The following F8 variants were observed in gnomAD, a reference collection of about 807,000 sequenced individuals.
The protein encoded by F8 is coagulation factor VIII, also known as antihemophilic factor.
F8 carries 12 observed loss-of-function variants against 140.6 expected under a neutral mutation model. That is an observed-to-expected ratio of 0.09 (90% CI 0.05 to 0.14). F8 has a LOEUF of 0.14. Among genes scored for constraint, F8 ranks in the 10% least tolerant of loss-of-function variants. The pLI, the probability that F8 is intolerant of heterozygous loss-of-function variation, is 1.00. For missense variants in F8, 1,354 were observed against 1,720.7 expected (o/e 0.79, Z 3.77); for synonymous variants, 585 against 614.6 (o/e 0.95, Z 0.71).
chrX:154,920,362 C>CT (rs2073122622), intron 14 of F8, among the ~76,000 whole-genome samples: 1 of 111,061 alleles, frequency 9.0e-6, no homozygotes, highest in Non-Finnish European at 1.9e-5. Context: ...TACTATGAGG[C>CT]TTACACAAAA....
chrX:154,981,567 A>G (rs1223119037), intron 6 of F8, among the ~76,000 whole-genome samples: 1 of 110,622 alleles, frequency 9.0e-6, no homozygotes, highest in Non-Finnish European at 1.9e-5. Context: ...GGGAAGGGGC[A>G]TGGGGCCAGC....
At chrX:155,009,446 C>T (rs1557286376) in intron 1 of F8, among the ~76,000 whole-genome samples, 2 of 111,572 alleles carry the variant, frequency 1.8e-5, no homozygotes, top group African/African-American at 6.5e-5. Context: ...TTAAATGTTT[C>T]TGATTAAAGG....
chrX:154,984,328 T>G (rs149309160), intron 6 of F8, among the ~76,000 whole-genome samples: 1,779 of 112,111 alleles, frequency 0.016, 23 homozygotes, highest in South Asian at 0.11. Flanking sequence ...TCCGATGAGT[T>G]CTGTTCTGAG....
chrX:154,901,014 T>G (rs2073007063), intron 20 of F8, among the ~76,000 whole-genome samples: 1 of 112,857 alleles, frequency 8.9e-6, no homozygotes, highest in African/African-American at 3.2e-5. Context: ...CTGTGGGCAG[T>G]AGTGCTCTAA....
At chrX:154,956,659 T>C (rs2073366555) in intron 11 of F8, among the ~76,000 whole-genome samples, 1 of 111,023 alleles carries the variant, frequency 9.0e-6, no homozygotes, top group South Asian at 3.8e-4. Context: ...ATCTAGGCTG[T>C]AGATATAAAT....
chrX:154,966,105 C>T lies in F8; in HGVS notation c.1308G>A (p.Gln436=). 1 of 1,210,838 alleles carries T rather than the reference C, an allele frequency of 8.3e-7. No homozygotes were observed. Among genetic ancestry groups the T allele is most frequent in the Admixed American group, 2.2e-5 (1 of 45,953 alleles). The change falls in exon 9 of 26, where the codon CAG becomes CAA. Residue 436 remains glutamine, a synonymous_variant. Coordinates refer to ENST00000360256, the MANE Select transcript of F8 (RefSeq NM_000132.4). ...YKSQYLNNGP[Q]RIGRKYKKVR... The stretch of plus-strand genomic sequence containing the variant: ...CTTTTTTGTACTTCCTACCAATCCG[C>T]TGAGGGCCATTGTTCAAATATTGAC...
intron 6 of F8, among the ~76,000 whole-genome samples, chrX:154,978,134 G>A (rs1557283173): frequency 9.2e-6 from 1 of 108,818 alleles, no homozygotes; most frequent in African/African-American, 3.3e-5. Flanking sequence ...TATCTCTTGG[G>A]TAAATTTCTC....
chrX:154,997,765 T>A (rs1331951176), intron 2 of F8, among the ~76,000 whole-genome samples: 1 of 111,636 alleles, frequency 9.0e-6, no homozygotes, highest in African/African-American at 3.3e-5. Flanking sequence ...GGAATTTGGA[T>A]GAATTTGGAT....
chrX:154,985,456 A>G (rs2073554037), intron 5 of F8, among the ~76,000 whole-genome samples: 1 of 111,401 alleles, frequency 9.0e-6, no homozygotes, highest in South Asian at 3.8e-4. Flanking sequence ...GAAAAGAAAA[A>G]AGAAAATTGT....
At chrX:154,898,092 T>C (rs1603432824) in intron 21 of F8, 1 of 111,981 alleles carries the variant, frequency 8.9e-6, no homozygotes, top group Non-Finnish European at 1.9e-5. Context: ...CAGCTGCGTA[T>C]CTCCATGGGG....
intron 25 of F8, among the ~76,000 whole-genome samples, chrX:154,845,050 C>T (rs2072553599): frequency 9.0e-6 from 1 of 111,703 alleles, no homozygotes; most frequent in South Asian, 3.7e-4. Context: ...TTGAGATAAT[C>T]ATGTGGTTTT....
intron 14 of F8, among the ~76,000 whole-genome samples, chrX:154,926,774 G>T (rs1272787663): frequency 1.8e-5 from 2 of 111,829 alleles, no homozygotes; most frequent in African/African-American, 6.5e-5. Context: ...TTAAGGTAGG[G>T]AGTTGATATG....
intron 13 of F8, among the ~76,000 whole-genome samples, chrX:154,935,009 A>G (rs1397181414): frequency 1.8e-5 from 2 of 109,771 alleles, no homozygotes; most frequent in Non-Finnish European, 3.8e-5. Flanking sequence ...CAAAAAATAA[A>G]AAAGTTAGCC....
At chrX:155,021,743 C>A (rs1198599384) in intron 1 of F8, among the ~76,000 whole-genome samples, 1 of 111,945 alleles carries the variant, frequency 8.9e-6, no homozygotes, top group Non-Finnish European at 1.9e-5. Context: ...GAGACTCTTA[C>A]ATAACTTGAT....
At chrX:154,855,247 G>A (rs28634335) in intron 25 of F8, among the ~76,000 whole-genome samples, 1,389 of 111,781 alleles carry the variant, frequency 0.012, 24 homozygotes, top group African/African-American at 0.043. Flanking sequence ...GAATATGATG[G>A]GATTAGTCGG....
At chrX:154,981,935 C>G (rs782128700) in intron 6 of F8, among the ~76,000 whole-genome samples, 5 of 111,886 alleles carry the variant, frequency 4.5e-5, no homozygotes, top group African/African-American at 1.6e-4. Context: ...CTTATAATCC[C>G]AGCACTTTGG....
At chrX:154,845,037 C>T (rs1446166725) in intron 25 of F8, among the ~76,000 whole-genome samples, 6 of 111,827 alleles carry the variant, frequency 5.4e-5, no homozygotes, top group Non-Finnish European at 1.9e-5. Flanking sequence ...TTTTCTGCAT[C>T]TATTGAGATA....
chrX:154,915,917 A>G (rs907727193), intron 14 of F8, among the ~76,000 whole-genome samples: 1 of 111,887 alleles, frequency 8.9e-6, no homozygotes, highest in Admixed American at 9.5e-5. Context: ...ATTTTTTCCC[A>G]TTTGGTGTAA....
chrX:154,943,352 C>G (rs1428638344), intron 13 of F8, among the ~76,000 whole-genome samples: 8 of 111,838 alleles, frequency 7.2e-5, no homozygotes, highest in African/African-American at 2.3e-4. Context: ...ACAAAAATCA[C>G]AAGCATTCTT....
Sources: allele counts gnomAD v4.1 joint callset (sites outside exome capture counted in the v4.1 genomes callset), GRCh38; gene constraint gnomAD v4.1.1; transcripts MANE v1.5; gene names NCBI Gene and HGNC (gene_info 2026-07-23, HGNC 2026-07-21).